The following CLEC2B variants were observed in gnomAD, a reference collection of about 807,000 sequenced individuals.
CLEC2B encodes C-type lectin domain family 2 member B.
In CLEC2B, 14 loss-of-function variants were observed where a neutral mutation model predicts 16.2. The observed-to-expected ratio is 0.86, with a 90% CI of 0.57 to 1.35. CLEC2B has a LOEUF of 1.35. Among genes scored for constraint, CLEC2B ranks in the 40% most tolerant of loss-of-function variants. The pLI, the probability that CLEC2B is intolerant of heterozygous loss-of-function variation, is 0.00. For synonymous variants in CLEC2B, 42 were observed against 55.8 expected (o/e 0.75, Z 1.10); for missense variants, 166 against 182.3 (o/e 0.91, Z 0.52).
rs1867864926 is a variant in CLEC2B, at chr12:9,853,241, T to C, written c.*59A>G. 7.6e-7 allele frequency: 1 copy of C among 1,314,818 alleles called. No individual in the cohort carries two copies. Among genetic ancestry groups the C allele is most frequent in the East Asian group, 2.3e-5 (1 of 42,764 alleles). The allele number at this position is 1,314,818 out of a possible 1,614,324, so 81.4% of individuals were successfully genotyped here. ...ACTTTGTTTAATTAAAAAAGTACTT[T>C]GCTGGTTTTACACTTAATAATGTTA... On this transcript the variant is annotated 3_prime_UTR_variant, in exon 5 of 5. Coordinates refer to ENST00000228438, the MANE Select transcript of CLEC2B (RefSeq NM_005127.3).
At position 9,853,278 on chromosome 12, in the gene CLEC2B, C is replaced by T. The variant is rs878994865; in HGVS notation, c.*22G>A. ...ACTTAATAATGTTATTTTCTATTTT[C>T]CCCATTATCTTAGACATTAACTTAG... On this transcript the variant is annotated 3_prime_UTR_variant, in exon 5 of 5. Coordinates refer to ENST00000228438, the MANE Select transcript of CLEC2B (RefSeq NM_005127.3). 4.7e-6 allele frequency: 7 copies of T among 1,499,300 alleles called. No individual in the cohort carries two copies. The South Asian group carries it at 5.6e-5, about 12-fold the overall frequency. 92.9% of individuals were successfully genotyped at this position (1,499,300 alleles called of 1,614,324 possible). A position where few individuals can be genotyped will look rare whatever the true frequency, so the allele number is the denominator to read the frequency against.
chr12:9,859,395 G>A (rs1466294703), intron 2 of CLEC2B, among the ~76,000 whole-genome samples: 1 of 151,740 alleles, frequency 6.6e-6, no homozygotes, highest in Non-Finnish European at 1.5e-5. Flanking sequence ...TAGGAAAACT[G>A]ATTTTAAAAA....
intron 1 of CLEC2B, among the ~76,000 whole-genome samples, chr12:9,863,347 G>A (rs1251470044): frequency 6.6e-6 from 1 of 151,912 alleles, no homozygotes. Flanking sequence ...CATATTCAAT[G>A]TAAACCAAAA....
intron 1 of CLEC2B, among the ~76,000 whole-genome samples, chr12:9,865,052 G>A (rs1867960321): frequency 6.6e-6 from 1 of 151,918 alleles, no homozygotes; most frequent in South Asian, 2.1e-4. Context: ...GTGTGGTGGT[G>A]TATGCCTGTG....
intron 2 of CLEC2B, 135 bp downstream of exon 2, chr12:9,862,364 T>A: frequency 1.3e-6 from 1 of 780,484 alleles, no homozygotes; most frequent in Non-Finnish European, 1.8e-6. Flanking sequence ...TAAAATTTAT[T>A]CATTTGTACC....
At position 9,854,474 on chromosome 12, in the gene CLEC2B, C is replaced by T. The variant is rs1394317012; in HGVS notation, c.248G>A (p.Arg83Lys). The T allele has an allele frequency of 1.2e-6, 2 of 1,611,118 alleles. No individual in the cohort carries two copies. The highest frequency in any genetic ancestry group is 1.3e-5 in the African/African-American group (1 of 74,810). The part of the protein sequence containing the change: ...IDNIEEMNFL[R>K]RYKCSSDHWI... ...GTGATCAGAACTGCATTTATACCGC[C>T]TAAGAAAATTCTTTAGAGACAAAAT... The change falls in exon 4 of 5, where the codon AGG (arginine) becomes AAG (lysine). Residue 83 changes from arginine (R) to lysine (K), a missense_variant. By Grantham distance (26) the Arg-to-Lys change is conservative (BLOSUM62 2). Transcript: ENST00000228438.
At chr12:9,867,589 C>T (rs1425024525) in intron 1 of CLEC2B, among the ~76,000 whole-genome samples, 1 of 152,076 alleles carries the variant, frequency 6.6e-6, no homozygotes, top group Admixed American at 6.6e-5. Flanking sequence ...ATGTGGTTAG[C>T]ATAGCTGCCT....
At chr12:9,862,125 G>A (rs1434871805) in intron 2 of CLEC2B, among the ~76,000 whole-genome samples, 1 of 151,996 alleles carries the variant, frequency 6.6e-6, no homozygotes, top group Non-Finnish European at 1.5e-5. Flanking sequence ...CAAATTGCAT[G>A]ACTGTATTTA....
chr12:9,861,558 T>A (rs1016508071), intron 2 of CLEC2B, among the ~76,000 whole-genome samples: 1 of 152,116 alleles, frequency 6.6e-6, no homozygotes, highest in Non-Finnish European at 1.5e-5. Flanking sequence ...CTCAAGTTAT[T>A]TCCAGTATTC....
intron 2 of CLEC2B, among the ~76,000 whole-genome samples, chr12:9,861,027 A>G (rs1413318001): frequency 6.6e-6 from 1 of 152,038 alleles, no homozygotes; most frequent in Non-Finnish European, 1.5e-5. Flanking sequence ...ATGTCTTTGA[A>G]GTAAAGTGAA....
chr12:9,860,905 A>G (rs1228747740), intron 2 of CLEC2B, among the ~76,000 whole-genome samples: 1 of 151,930 alleles, frequency 6.6e-6, no homozygotes, highest in Non-Finnish European at 1.5e-5. Flanking sequence ...GATTAACTAA[A>G]TGGGAAATAA....
Position 9,855,751 on chromosome 12 carries a change from TGCCCCATTTTA to T in CLEC2B, c.238-1278_238-1268del, listed in dbSNP as rs1202626126. 2.0e-5 allele frequency among the ~76,000 whole-genome samples: 3 copies of T among 152,208 alleles called. No individual in the cohort carries two copies. The East Asian group carries it at 5.8e-4, about 29-fold the overall frequency. On this transcript the variant is annotated intron_variant, in intron 3 of 4. Transcript: ENST00000228438. ...TAACATTATTTGCTCAATAAAAGCT[TGCCCCATTTTA>T]GCCCCTTGTTAGAAGTGCAATAATT... is the stretch of plus-strand genomic sequence containing the variant.
rs538595560 is a variant in CLEC2B at position 9,859,771 on chromosome 12, T to C, written c.74-2134A>G. On this transcript the variant is annotated intron_variant, in intron 2 of 4. Transcript: ENST00000228438. Reference sequence around the variant, plus strand: ...GAAAGAGAAACTATAGGTAGATCTTTTATGAAGACGTAGGATATATGTGCA... The same window carrying C: ...GAAAGAGAAACTATAGGTAGATCTTCTATGAAGACGTAGGATATATGTGCA... Among the ~76,000 whole-genome samples the C allele has an allele frequency of 3.4e-4, 51 of 151,922 alleles. 1 individual carries two copies. The highest frequency in any genetic ancestry group is 1.1e-3 in the African/African-American group (47 of 41,540).
chr12:9,857,666 G>C (rs763139604), intron 2 of CLEC2B, 29 bp from the exon 3 acceptor site: 20 of 1,524,772 alleles, frequency 1.3e-5, no homozygotes, highest in Non-Finnish European at 1.5e-5. Context: ...TATATCTTAA[G>C]TACCATATAG....
Position 9,862,519 on chromosome 12 carries a change from G to A in CLEC2B, c.53C>T (p.Thr18Ile), listed in dbSNP as rs1867940509. 1 of 1,459,934 alleles carries A rather than the reference G, an allele frequency of 6.8e-7. No individual in the cohort carries two copies. 90.4% of individuals were successfully genotyped at this position (1,459,934 alleles called of 1,614,324 possible). Reference sequence around the variant, plus strand: ...CTTACCTATCAGAGTAATAATATTAGTTGTTATTAAAACACCAACAATTAT... The same window carrying A: ...CTTACCTATCAGAGTAATAATATTAATTGTTATTAAAACACCAACAATTAT... ...CFIIVGVLITTNIITLIVKLT... is the reference protein window; with the variant it reads ...CFIIVGVLITINIITLIVKLT... The change falls in exon 2 of 5, where the codon ACT (threonine) becomes ATT (isoleucine). Residue 18 changes from threonine (T) to isoleucine (I), a missense_variant. Coordinates refer to ENST00000228438, the MANE Select transcript of CLEC2B (RefSeq NM_005127.3).
intron 1 of CLEC2B, chr12:9,866,920 A>G (rs1867974403): frequency 6.6e-6 from 1 of 152,174 alleles, no homozygotes; most frequent in East Asian, 1.9e-4. Context: ...TACAGCGGAA[A>G]ATAGGAGCCC....
chr12:9,866,758 A>G (rs1054660985), intron 1 of CLEC2B, among the ~76,000 whole-genome samples: 2 of 152,082 alleles, frequency 1.3e-5, no homozygotes, highest in African/African-American at 2.4e-5. Flanking sequence ...GCTTAAATCA[A>G]TGGCCTTTTC....
chr12:9,867,921 A>ATTATT (rs1309095857), intron 1 of CLEC2B, among the ~76,000 whole-genome samples: 2 of 152,028 alleles, frequency 1.3e-5, no homozygotes, highest in African/African-American at 4.8e-5. Context: ...CAAACAGAAT[A>ATTATT]TTATTTTTCT....
rs1252928388 is a variant in CLEC2B at position 9,852,664 on chromosome 12, G to T, written c.*636C>A. Reference sequence around the variant, plus strand: ...CCCATTTGTTTGATCAACTTGTACAGATCAAAGAAAGTTTAATTTTCTTTT... The same window carrying T: ...CCCATTTGTTTGATCAACTTGTACATATCAAAGAAAGTTTAATTTTCTTTT... On this transcript the variant is annotated 3_prime_UTR_variant, in exon 5 of 5. Coordinates refer to ENST00000228438, the MANE Select transcript of CLEC2B (RefSeq NM_005127.3). Among the ~76,000 whole-genome samples, 1 of 152,260 alleles carries T rather than the reference G, an allele frequency of 6.6e-6. No individual in the cohort carries two copies. Among genetic ancestry groups the T allele is most frequent in the Admixed American group, 6.5e-5 (1 of 15,290 alleles).
Sources: gnomAD v4.1 joint callset for allele counts (sites outside exome capture counted in the v4.1 genomes callset) on GRCh38, gnomAD v4.1.1 for gene constraint, MANE v1.5 for transcripts, NCBI Gene and HGNC (gene_info 2026-07-23, HGNC 2026-07-21) for gene names.